Variants in ASPSCR1 observed in about 807,000 individuals in gnomAD.
The protein encoded by ASPSCR1 is tether containing UBX domain for GLUT4.
In ASPSCR1, 55 loss-of-function variants were observed where a neutral mutation model predicts 68.9. The ratio of observed to expected loss-of-function variants is 0.80; its 90% CI spans 0.64 to 1.00. ASPSCR1 has a LOEUF of 1.00. ASPSCR1 is among the 50% of genes least tolerant of loss of function. ASPSCR1 has a pLI of 0.00. For synonymous variants in ASPSCR1, 352 were observed against 332.6 expected (o/e 1.06, Z -0.63); for missense variants, 765 against 762.2 (o/e 1.00, Z -0.04).
intron 15 of ASPSCR1, 84 bp from the exon 16 acceptor site, chr17:82,017,225 G>T (rs550618051): frequency 6.3e-7 from 1 of 1,596,608 alleles, no homozygotes; most frequent in South Asian, 1.1e-5. Context: ...CGGCAGGGCC[G>T]AGTGCTTCAG....
At chr17:82,001,901 C>T (rs901520019) in intron 7 of ASPSCR1, among the ~76,000 whole-genome samples, 1 of 152,178 alleles carries the variant, frequency 6.6e-6, no homozygotes, top group Non-Finnish European at 1.5e-5. Context: ...ACACGCCTGC[C>T]ACACCGTAAC....
intron 11 of ASPSCR1, 54 bp downstream of exon 11, chr17:82,011,659 C>T (rs1264423854): frequency 6.3e-7 from 1 of 1,575,432 alleles, no homozygotes. Flanking sequence ...GGCCTTGGTG[C>T]TGTGGGCACA....
Position 81,999,174 on chromosome 17 carries a change from G to T in ASPSCR1, c.933+2328G>T, listed in dbSNP as rs2042448708. Reference sequence around the variant, plus strand: ...CTGTCATGCGGCTTTCGGTGACAGGGATGGGAGGAGGCTGTTTCCCAGCCC... The same window carrying T: ...CTGTCATGCGGCTTTCGGTGACAGGTATGGGAGGAGGCTGTTTCCCAGCCC... On this transcript the variant is annotated intron_variant, in intron 7 of 15. Coordinates refer to ENST00000306739, the MANE Select transcript of ASPSCR1 (RefSeq NM_024083.4). This position sits in a 1 kb window ranked among gnomAD's most constrained non-coding sequence, Gnocchi z 4.4. Among the ~76,000 whole-genome samples the T allele has an allele frequency of 2.6e-5, 4 of 152,266 alleles. No homozygotes were observed. In the South Asian group the frequency reaches 8.3e-4, roughly 32 times the overall value.
At position 81,983,420 on chromosome 17, in the gene ASPSCR1, G is replaced by C; in HGVS notation, c.159-134G>C. On this transcript the variant is annotated intron_variant, in intron 2 of 15. Coordinates refer to ENST00000306739, the MANE Select transcript of ASPSCR1 (RefSeq NM_024083.4). The surrounding 1 kb of genome is among the most constrained non-coding windows in gnomAD (Gnocchi z 4.4). ...TGCAGGTCATGACGTCCCGCTGTTG[G>C]GGAGCTGCCACAGGACGTGGATGGC... 1.4e-6 allele frequency: 1 copy of C among 718,108 alleles called. No homozygotes were observed. The highest frequency in any genetic ancestry group is 2.4e-6 in the Non-Finnish European group (1 of 422,052). The allele number at this position is 718,108 out of a possible 1,614,324, so 44.5% of individuals were successfully genotyped here. A position where few individuals can be genotyped will look rare whatever the true frequency, so the allele number is the denominator to read the frequency against.
intron 7 of ASPSCR1, among the ~76,000 whole-genome samples, chr17:82,000,894 C>T (rs2042507541): frequency 6.6e-6 from 1 of 152,140 alleles, no homozygotes; most frequent in Non-Finnish European, 1.5e-5. Flanking sequence ...ACGCCAGTCC[C>T]AGCAGACGCC....
In ASPSCR1 at chr17:81,990,274, G is replaced by C. The variant is rs544562851; in HGVS notation, c.375-4547G>C. 6.6e-6 allele frequency among the ~76,000 whole-genome samples: 1 copy of C among 152,354 alleles called. No individual in the cohort carries two copies. The highest frequency in any genetic ancestry group is 2.1e-4 in the South Asian group (1 of 4,834). On this transcript the variant is annotated intron_variant, in intron 4 of 15. Coordinates refer to ENST00000306739, the MANE Select transcript of ASPSCR1 (RefSeq NM_024083.4). The surrounding 1 kb of genome is among the most constrained non-coding windows in gnomAD (Gnocchi z 4.1). ...TGTATGGTGCACTTGGAGCATCTCG[G>C]TCTGGGCCGGGTCCTCGTGGACTGG... is the stretch of plus-strand genomic sequence containing the variant.
In ASPSCR1 at chr17:81,977,857, C is replaced by A. The variant is rs1598377318; in HGVS notation, c.102+109C>A. 1 of 798,410 alleles carries A rather than the reference C, an allele frequency of 1.3e-6. No homozygotes were observed. The highest frequency in any genetic ancestry group is 1.6e-6 in the Non-Finnish European group (1 of 607,270). The allele number at this position is 798,410 out of a possible 1,614,324, so 49.5% of individuals were successfully genotyped here. On this transcript the variant is annotated intron_variant, in intron 1 of 15. Transcript: ENST00000306739. This position sits in a 1 kb window ranked among gnomAD's most constrained non-coding sequence, Gnocchi z 5.0. Reference sequence around the variant, plus strand: ...TGTTCGGGGGCGGGGCCTCGGCGGCCAATGAGCGGCCTCCTGAGCGGCGGC... The same window carrying A: ...TGTTCGGGGGCGGGGCCTCGGCGGCAAATGAGCGGCCTCCTGAGCGGCGGC...
intron 4 of ASPSCR1, among the ~76,000 whole-genome samples, chr17:81,994,041 C>T (rs953360233): frequency 2.6e-5 from 4 of 152,248 alleles, no homozygotes; most frequent in Admixed American, 1.3e-4. Flanking sequence ...GAGTTGGAAA[C>T]GCAGAGGCAA....
At chr17:81,991,025 A>G (rs1009700358) in intron 4 of ASPSCR1, among the ~76,000 whole-genome samples, 13 of 152,122 alleles carry the variant, frequency 8.5e-5, no homozygotes, top group Non-Finnish European at 5.9e-5. Context: ...TGGGAGCAGG[A>G]AGAGAACCGG....
intron 7 of ASPSCR1, among the ~76,000 whole-genome samples, chr17:81,998,119 G>A (rs1403610269): frequency 1.3e-5 from 2 of 152,044 alleles, no homozygotes; most frequent in African/African-American, 4.8e-5. Flanking sequence ...GAGCCACCGC[G>A]CCCAGCCTAA....
At chr17:82,009,269 CCA>C in intron 8 of ASPSCR1, 78 bp downstream of exon 8, 1 of 1,487,138 alleles carries the variant, frequency 6.7e-7, no homozygotes, top group East Asian at 2.5e-5. Context: ...CCCGCTGTCC[CCA>C]GTGCCAGCAC....
rs1385037987 is a variant in ASPSCR1 at position 81,986,303 on chromosome 17, G to A, written c.374+696G>A. On this transcript the variant is annotated intron_variant, in intron 4 of 15. Coordinates refer to ENST00000306739, the MANE Select transcript of ASPSCR1 (RefSeq NM_024083.4). This position sits in a 1 kb window ranked among gnomAD's most constrained non-coding sequence, Gnocchi z 5.2. Reference sequence around the variant, plus strand: ...GGCCAGGCATAGTGCATGGTGGTGCGTGCCTGTGGTCCCAGCTATGCCAGA... The same window carrying A: ...GGCCAGGCATAGTGCATGGTGGTGCATGCCTGTGGTCCCAGCTATGCCAGA... Among the ~76,000 whole-genome samples, 2 of 152,114 alleles carry A rather than the reference G, an allele frequency of 1.3e-5. No individual in the cohort carries two copies. The highest frequency in any genetic ancestry group is 6.6e-5 in the Admixed American group (1 of 15,264).
chr17:81,983,785 C>A lies in ASPSCR1; in HGVS notation c.273+117C>A. The A allele has an allele frequency of 2.4e-6, 2 of 837,398 alleles. No individual in the cohort carries two copies. Among genetic ancestry groups the A allele is most frequent in the Non-Finnish European group, 3.8e-6 (2 of 526,398 alleles). The allele number at this position is 837,398 out of a possible 1,614,324, so 51.9% of individuals were successfully genotyped here. A position where few individuals can be genotyped will look rare whatever the true frequency, so the allele number is the denominator to read the frequency against. ...GAAGGAGGGACATGAGTCTTAGCACCAGTTCTGCCTTCCCTGGGTTGGGCC... is the reference window on the plus strand; with the variant it reads ...GAAGGAGGGACATGAGTCTTAGCACAAGTTCTGCCTTCCCTGGGTTGGGCC... On this transcript the variant is annotated intron_variant, in intron 3 of 15. Coordinates refer to ENST00000306739, the MANE Select transcript of ASPSCR1 (RefSeq NM_024083.4). This position sits in a 1 kb window ranked among gnomAD's most constrained non-coding sequence, Gnocchi z 4.4.
intron 2 of ASPSCR1, among the ~76,000 whole-genome samples, chr17:81,981,297 C>G (rs1211439882): frequency 6.6e-6 from 1 of 152,174 alleles, no homozygotes; most frequent in Non-Finnish European, 1.5e-5. Flanking sequence ...ACTCAGCTTT[C>G]AAGGTTTCTG....
chr17:81,994,259 A>C (rs114314228), intron 4 of ASPSCR1, among the ~76,000 whole-genome samples: 4,107 of 152,308 alleles, frequency 0.027, 199 homozygotes, highest in African/African-American at 0.095. Context: ...ACATGGACTT[A>C]TAAGCACGGC....
chr17:82,007,032 T>A (rs574291065), intron 7 of ASPSCR1: 1 of 152,384 alleles, frequency 6.6e-6, no homozygotes, highest in African/African-American at 2.4e-5. Context: ...CCCTGGCATC[T>A]CCCTCTGTCA....
intron 2 of ASPSCR1, among the ~76,000 whole-genome samples, chr17:81,982,258 C>T (rs4796863): frequency 4.9e-4 from 75 of 152,360 alleles, no homozygotes; most frequent in African/African-American, 1.7e-3. Context: ...CATGAGCCAC[C>T]GCGCCCAGCG....
intron 2 of ASPSCR1, among the ~76,000 whole-genome samples, chr17:81,981,730 A>G (rs2041801730): frequency 6.6e-6 from 1 of 151,946 alleles, no homozygotes; most frequent in South Asian, 2.1e-4. Flanking sequence ...GGGCAGTGGC[A>G]TGATCTCAGC....
chr17:82,013,586 T>G (rs1044999725), intron 12 of ASPSCR1: 1 of 152,122 alleles, frequency 6.6e-6, no homozygotes, highest in African/African-American at 2.4e-5. Context: ...AGCTTTCACG[T>G]CTCTGGCAGA....
Sources: gnomAD v4.1 joint callset for allele counts (sites outside exome capture counted in the v4.1 genomes callset) on GRCh38, gnomAD v4.1.1 for gene constraint, Gnocchi (gnomAD v3.1) non-coding constraint, MANE v1.5 for transcripts, NCBI Gene and HGNC (gene_info 2026-07-23, HGNC 2026-07-21) for gene names.